The following ACACA variants were observed in gnomAD, a reference collection of about 807,000 sequenced individuals.
ACACA encodes the protein acetyl-CoA carboxylase alpha.
A neutral mutation model predicts 296.1 loss-of-function variants in ACACA; 103 were observed. The ratio of observed to expected loss-of-function variants is 0.35; its 90% CI spans 0.30 to 0.41. The LOEUF (loss-of-function observed/expected upper bound fraction) is 0.41, where lower values mean the gene tolerates loss of function less well. ACACA is among the 10% of genes least tolerant of loss of function. ACACA has a pLI of 1.00. For synonymous variants in ACACA, 953 were observed against 1,038.6 expected (o/e 0.92, Z 1.58); for missense variants, 1,554 against 2,989.7 (o/e 0.52, Z 11.20).
intron 2 of ACACA, among the ~76,000 whole-genome samples, chr17:37,333,963 G>A (rs2147257849): frequency 6.6e-6 from 1 of 151,922 alleles, no homozygotes; most frequent in South Asian, 2.1e-4. Context: ...CCCAGATTCG[G>A]ACTTCCCCAA....
intron 25 of ACACA, among the ~76,000 whole-genome samples, chr17:37,232,602 G>C (rs1257775721): frequency 6.6e-6 from 1 of 152,166 alleles, no homozygotes; most frequent in East Asian, 1.9e-4. Flanking sequence ...GCACCGTCTT[G>C]AGCTTTTACC....
chr17:37,230,921 G>A, intron 25 of ACACA, among the ~76,000 whole-genome samples: 1 of 152,334 alleles, frequency 6.6e-6, no homozygotes, highest in South Asian at 2.1e-4. Context: ...CCAAAGGTCT[G>A]TTCCAACTGT....
intron 14 of ACACA, 76 bp from the exon 15 acceptor site, chr17:37,253,112 C>T (rs1054470490): frequency 6.2e-7 from 1 of 1,605,136 alleles, no homozygotes; most frequent in Non-Finnish European, 8.5e-7. Context: ...ATCTGTTTGG[C>T]CAGGCATGGT....
intron 41 of ACACA, among the ~76,000 whole-genome samples, chr17:37,165,029 C>A (rs918572757): frequency 6.6e-6 from 1 of 152,148 alleles, no homozygotes; most frequent in Non-Finnish European, 1.5e-5. Flanking sequence ...ATATTGACTT[C>A]TAATTAGGTG....
chr17:37,120,754 G>A (rs548455509), intron 50 of ACACA, among the ~76,000 whole-genome samples: 13 of 152,230 alleles, frequency 8.5e-5, no homozygotes, highest in South Asian at 4.2e-4. Context: ...GTCCACAGTC[G>A]CTCTACACAT....
intron 52 of ACACA, among the ~76,000 whole-genome samples, chr17:37,110,496 C>T (rs375733763): frequency 6.6e-6 from 1 of 152,160 alleles, no homozygotes; most frequent in African/African-American, 2.4e-5. Context: ...GTGGCTGTTA[C>T]CCAGTGGCAA....
intron 47 of ACACA, among the ~76,000 whole-genome samples, chr17:37,127,588 G>T (rs576983878): frequency 6.6e-6 from 1 of 152,290 alleles, no homozygotes; most frequent in South Asian, 2.1e-4. Context: ...GTGGCCGGGC[G>T]CGGTGGCTCA....
chr17:37,403,084 AG>A (rs2051346239), intron 1 of ACACA, among the ~76,000 whole-genome samples: 1 of 152,242 alleles, frequency 6.6e-6, no homozygotes, highest in African/African-American at 2.4e-5. Flanking sequence ...AGGTCTGTCT[AG>A]GTAAGACACA....
At chr17:37,398,865 T>A (rs2051186127) in intron 1 of ACACA, among the ~76,000 whole-genome samples, 1 of 145,246 alleles carries the variant, frequency 6.9e-6, no homozygotes, top group Admixed American at 7.1e-5. Context: ...ATTACAGGCG[T>A]GAGCTACTGC....
At chr17:37,139,502 T>C (rs1458853466) in intron 45 of ACACA, among the ~76,000 whole-genome samples, 6 of 152,248 alleles carry the variant, frequency 3.9e-5, no homozygotes, top group African/African-American at 1.4e-4. Flanking sequence ...TTGTGTACCC[T>C]TGGGGTTTGA....
At chr17:37,280,530 T>C (rs1168709689) in intron 5 of ACACA, among the ~76,000 whole-genome samples, 1 of 152,066 alleles carries the variant, frequency 6.6e-6, no homozygotes, top group Non-Finnish European at 1.5e-5. Flanking sequence ...ATCAATAAGG[T>C]ATAATCTCTT....
In ACACA at chr17:37,155,794, A is replaced by G; in HGVS notation, c.5350-14T>C. The G allele has an allele frequency of 6.5e-7, 1 of 1,527,552 alleles. No individual in the cohort carries two copies. Among genetic ancestry groups the G allele is most frequent in the Non-Finnish European group, 9.1e-7 (1 of 1,104,764 alleles). 94.6% of individuals were successfully genotyped at this position (1,527,552 alleles called of 1,614,324 possible). ...ATACCTGTATCCCTGTGAAGCACAA[A>G]TAGTTTTTAACTCATTATTTGCCAT... On this transcript the variant is annotated splice_polypyrimidine_tract_variant and intron_variant, in intron 42 of 55. Coordinates refer to ENST00000616317, the MANE Select transcript of ACACA (RefSeq NM_198834.3).
intron 24 of ACACA, 135 bp downstream of exon 24, chr17:37,240,341 T>C (rs1384156004): frequency 4.1e-6 from 3 of 736,754 alleles, no homozygotes; most frequent in Non-Finnish European, 4.8e-6. Flanking sequence ...GGAGTAGTGA[T>C]AGGAGACTGT....
intron 1 of ACACA, among the ~76,000 whole-genome samples, chr17:37,365,024 G>T (rs1349837584): frequency 2.0e-5 from 3 of 152,048 alleles, no homozygotes; most frequent in African/African-American, 7.2e-5. Flanking sequence ...CCAGGCTGTA[G>T]TTCAGTAGCG....
intron 45 of ACACA, 145 bp from the exon 46 acceptor site, chr17:37,130,363 G>A: frequency 2.0e-6 from 2 of 979,988 alleles, no homozygotes; most frequent in Non-Finnish European, 3.1e-6. Context: ...GGGACTATCT[G>A]AATCTTCTTC....
At chr17:37,388,809 G>T in intron 1 of ACACA, 1 of 1,612,480 alleles carries the variant, frequency 6.2e-7, no homozygotes, top group Non-Finnish European at 8.5e-7. Context: ...GTTTGCTGTT[G>T]TATTGAATCC....
intron 10 of ACACA, among the ~76,000 whole-genome samples, chr17:37,270,296 A>C (rs1053004964): frequency 6.6e-6 from 1 of 152,188 alleles, no homozygotes; most frequent in African/African-American, 2.4e-5. Context: ...ATGTGAACTA[A>C]AGTGAGAAAA....
chr17:37,394,542 C>A (rs777395538), intron 1 of ACACA, among the ~76,000 whole-genome samples: 1 of 151,106 alleles, frequency 6.6e-6, no homozygotes, highest in African/African-American at 2.4e-5. Context: ...ATTGCAAGTT[C>A]TTTCTTATTA....
intron 39 of ACACA, 86 bp from the exon 40 acceptor site, chr17:37,181,442 T>C: frequency 3.4e-6 from 5 of 1,460,966 alleles, no homozygotes; most frequent in Non-Finnish European, 4.8e-6. Context: ...GCACAAATAT[T>C]ATCTCTTTGA....
Sources: gnomAD v4.1 joint callset for allele counts (sites outside exome capture counted in the v4.1 genomes callset) on GRCh38, gnomAD v4.1.1 for gene constraint, MANE v1.5 for transcripts, NCBI Gene and HGNC (gene_info 2026-07-23, HGNC 2026-07-21) for gene names.